MGMT: variants seen among roughly 807,000 people sequenced by gnomAD.
The protein encoded by MGMT is methylated-DNA--protein-cysteine methyltransferase.
A neutral mutation model predicts 15.9 loss-of-function variants in MGMT; 14 were observed. That is an observed-to-expected ratio of 0.88 (90% CI 0.58 to 1.37). MGMT has a LOEUF of 1.37. Ranked by LOEUF, MGMT falls within the 40% of genes most tolerant of loss-of-function variation. MGMT has a pLI of 0.00. For synonymous variants in MGMT, 130 were observed against 118.2 expected (o/e 1.10, Z -0.65); for missense variants, 282 against 268.1 (o/e 1.05, Z -0.36).
At chr10:129,526,493 AC>A (rs1484915059) in intron 1 of MGMT, among the ~76,000 whole-genome samples, 8 of 152,096 alleles carry the variant, frequency 5.3e-5, no homozygotes, top group African/African-American at 1.9e-4. Flanking sequence ...TAAACAGCTT[AC>A]AAGGAGGCTG....
At chr10:129,586,179 AAGTAATTG>A (rs1214819223) in intron 2 of MGMT, among the ~76,000 whole-genome samples, 2 of 152,148 alleles carry the variant, frequency 1.3e-5, no homozygotes, top group African/African-American at 4.8e-5. Context: ...GGTTGATCTC[AAGTAATTG>A]AAACCATGGA....
At chr10:129,765,222 A>C (rs564649106) in intron 4 of MGMT, among the ~76,000 whole-genome samples, 1 of 152,042 alleles carries the variant, frequency 6.6e-6, no homozygotes, top group Admixed American at 6.6e-5. Context: ...CTACTTAGGG[A>C]TGAAGGCTGT....
intron 2 of MGMT, among the ~76,000 whole-genome samples, chr10:129,685,027 G>T (rs1253221193): frequency 1.3e-5 from 2 of 152,174 alleles, no homozygotes; most frequent in East Asian, 3.8e-4. Context: ...AAAAGCTTTT[G>T]AGTGCCTGTC....
intron 2 of MGMT, among the ~76,000 whole-genome samples, chr10:129,539,041 AT>A (rs1352332427): frequency 1.5e-4 from 23 of 151,998 alleles, no homozygotes; most frequent in Non-Finnish European, 5.9e-5. Context: ...TATTGTGATG[AT>A]TTTCTCACAA....
At chr10:129,699,585 C>T (rs1453217805) in intron 2 of MGMT, among the ~76,000 whole-genome samples, 1 of 151,966 alleles carries the variant, frequency 6.6e-6, no homozygotes, top group African/African-American at 2.4e-5. Context: ...CGTTGGTGGC[C>T]TATAATAGGA....
At chr10:129,635,210 A>T (rs61859923) in intron 2 of MGMT, among the ~76,000 whole-genome samples, 14,787 of 152,156 alleles carry the variant, frequency 0.097, 903 homozygotes, top group East Asian at 0.31. Context: ...GAGCTTCCTG[A>T]CATGGCGGTG....
intron 2 of MGMT, among the ~76,000 whole-genome samples, chr10:129,561,796 G>T (rs1308463203): frequency 1.3e-5 from 2 of 152,126 alleles, no homozygotes; most frequent in African/African-American, 2.4e-5. Flanking sequence ...AGGTCCATGG[G>T]TTGCTTAACA....
intron 2 of MGMT, among the ~76,000 whole-genome samples, chr10:129,604,634 AGTGGCTCCCT>A (rs1846865524): frequency 6.6e-6 from 1 of 151,600 alleles, no homozygotes; most frequent in African/African-American, 2.4e-5. Flanking sequence ...TAGTGAAAGG[AGTGGCTCCCT>A]GTGGCTCTGT....
At chr10:129,755,637 A>T (rs1000662507) in intron 3 of MGMT, among the ~76,000 whole-genome samples, 1 of 152,194 alleles carries the variant, frequency 6.6e-6, no homozygotes, top group African/African-American at 2.4e-5. Context: ...CCTCCTCAAG[A>T]ACTTGGAAGC....
intron 1 of MGMT, among the ~76,000 whole-genome samples, chr10:129,515,470 T>C (rs1845728540): frequency 6.6e-6 from 1 of 151,830 alleles, no homozygotes; most frequent in African/African-American, 2.4e-5. Flanking sequence ...TGATAGCACG[T>C]GTCCTGTCTC....
At chr10:129,682,692 ATGTAT>A (rs1389419217) in intron 2 of MGMT, among the ~76,000 whole-genome samples, 1 of 152,220 alleles carries the variant, frequency 6.6e-6, no homozygotes, top group Non-Finnish European at 1.5e-5. Flanking sequence ...GTTTAGTTAG[ATGTAT>A]TGTATCAATG....
At chr10:129,657,407 G>GT (rs1297632244) in intron 2 of MGMT, among the ~76,000 whole-genome samples, 10 of 149,102 alleles carry the variant, frequency 6.7e-5, no homozygotes, top group African/African-American at 2.0e-4. Context: ...GATTGTGGGG[G>GT]TGGGGGGGGG....
chr10:129,591,657 C>T (rs897464418), intron 2 of MGMT, among the ~76,000 whole-genome samples: 5 of 152,196 alleles, frequency 3.3e-5, no homozygotes, highest in South Asian at 2.1e-4. Context: ...GTTGGCCGGA[C>T]GCGGTGGCTC....
intron 1 of MGMT, among the ~76,000 whole-genome samples, chr10:129,521,180 T>A (rs768829240): frequency 5.3e-5 from 8 of 152,218 alleles, no homozygotes; most frequent in Admixed American, 2.6e-4. Context: ...GCCCCGCACA[T>A]CGTCAGAGTG....
intron 2 of MGMT, among the ~76,000 whole-genome samples, chr10:129,580,630 T>A (rs1020735670): frequency 6.6e-6 from 1 of 152,200 alleles, no homozygotes; most frequent in Non-Finnish European, 1.5e-5. Flanking sequence ...GAGCCTGGGC[T>A]TCTGTCTCTA....
chr10:129,738,139 G>A (rs1164232011), intron 3 of MGMT, among the ~76,000 whole-genome samples: 6 of 152,238 alleles, frequency 3.9e-5, no homozygotes, highest in African/African-American at 1.4e-4. Context: ...AATGGCGGGT[G>A]CCCCTCCCCA....
At position 129,770,211 on chromosome 10, in the gene MGMT, G is replaced by A. The variant is rs146741585; in HGVS notation, c.*3214G>A. On this transcript the variant is annotated 3_prime_UTR_variant, in exon 5 of 5. Coordinates refer to ENST00000651593, the MANE Select transcript of MGMT (RefSeq NM_002412.5). ...AGCCATCAGTTTTGTTTCTTACATC[G>A]TTTGTAAACAGCAGTATTATCCTGG... is the stretch of plus-strand genomic sequence containing the variant. Among the ~76,000 whole-genome samples the A allele has an allele frequency of 1.8e-3, 277 of 152,276 alleles. 3 individuals carry two copies. Among genetic ancestry groups the A allele is most frequent in the South Asian group, 8.9e-3 (43 of 4,828 alleles).
At chr10:129,606,638 G>A (rs1471037966) in intron 2 of MGMT, among the ~76,000 whole-genome samples, 1 of 152,222 alleles carries the variant, frequency 6.6e-6, no homozygotes, top group African/African-American at 2.4e-5. Flanking sequence ...AAATTTTGAT[G>A]CTCAGATCAA....
chr10:129,721,723 A>G (rs974333816), intron 3 of MGMT, among the ~76,000 whole-genome samples: 2 of 152,118 alleles, frequency 1.3e-5, no homozygotes, highest in Admixed American at 1.3e-4. Flanking sequence ...TTATGAATGC[A>G]TATTAAAAAT....
Sources: gnomAD v4.1 joint callset for allele counts (sites outside exome capture counted in the v4.1 genomes callset) on GRCh38, gnomAD v4.1.1 for gene constraint, MANE v1.5 for transcripts, NCBI Gene and HGNC (gene_info 2026-07-23, HGNC 2026-07-21) for gene names.